The following FAR2 variants were observed in gnomAD, a reference collection of about 807,000 sequenced individuals.
The protein encoded by FAR2 is fatty acyl-CoA reductase 2.
In FAR2, 19 loss-of-function variants were observed where a neutral mutation model predicts 56.0. The ratio of observed to expected loss-of-function variants is 0.34; its 90% CI spans 0.24 to 0.50. The LOEUF (loss-of-function observed/expected upper bound fraction) is 0.50. Among genes scored for constraint, FAR2 ranks in the 20% least tolerant of loss-of-function variants. The probability of loss-of-function intolerance (pLI) is 0.98; values close to 1 mark genes in which losing one functional copy is unlikely to be tolerated. For synonymous variants in FAR2, 219 were observed against 218.8 expected, an observed-to-expected ratio of 1.00 and a Z score of -0.01; for missense variants, 508 against 642.2, an observed-to-expected ratio of 0.79 and a Z score of 2.26.
intron 1 of FAR2, among the ~76,000 whole-genome samples, chr12:29,228,590 G>GTT (rs56266657): frequency 0.62 from 94,064 of 151,664 alleles, 29,264 homozygotes; most frequent in East Asian, 0.69. Context: ...AGTCTTTTTT[G>GTT]TGTTTGTTTG....
chr12:29,327,189 C>A (rs1046762747), intron 10 of FAR2, among the ~76,000 whole-genome samples: 3 of 152,126 alleles, frequency 2.0e-5, no homozygotes, highest in Admixed American at 6.5e-5. Flanking sequence ...AGGAATCCAA[C>A]TTACAAGGGA....
chr12:29,244,553 C>T (rs1948093943), intron 1 of FAR2, among the ~76,000 whole-genome samples: 1 of 152,184 alleles, frequency 6.6e-6, no homozygotes, highest in Non-Finnish European at 1.5e-5. Flanking sequence ...AGCATTCAGC[C>T]ATTACTAGTG....
intron 1 of FAR2, among the ~76,000 whole-genome samples, chr12:29,191,139 T>C (rs913693679): frequency 3.3e-5 from 5 of 152,206 alleles, no homozygotes; most frequent in African/African-American, 1.2e-4. Flanking sequence ...GAAAAGGACC[T>C]GTAGAAAATC....
chr12:29,209,103 C>T (rs1169668081), intron 1 of FAR2, among the ~76,000 whole-genome samples: 6 of 150,828 alleles, frequency 4.0e-5, no homozygotes, highest in Non-Finnish European at 8.9e-5. Context: ...AAAAGTACTA[C>T]ACAGGAAAAG....
intron 9 of FAR2, among the ~76,000 whole-genome samples, chr12:29,319,128 T>A (rs1288977332): frequency 6.6e-6 from 1 of 151,808 alleles, no homozygotes; most frequent in Non-Finnish European, 1.5e-5. Context: ...GTAGCTGGGA[T>A]TACAGGCGCC....
intron 1 of FAR2, among the ~76,000 whole-genome samples, chr12:29,173,838 C>T (rs571706745): frequency 6.6e-6 from 1 of 152,200 alleles, no homozygotes; most frequent in Non-Finnish European, 1.5e-5. Context: ...GCAGCAGAAA[C>T]ACTAGTTTTC....
At chr12:29,324,124 G>A (rs960209584) in intron 10 of FAR2, among the ~76,000 whole-genome samples, 8 of 152,068 alleles carry the variant, frequency 5.3e-5, no homozygotes, top group African/African-American at 1.7e-4. Context: ...TAACCGATGC[G>A]ATCAACTGGA....
chr12:29,180,303 A>G (rs1235147190), intron 1 of FAR2, among the ~76,000 whole-genome samples: 1 of 152,202 alleles, frequency 6.6e-6, no homozygotes, highest in East Asian at 1.9e-4. Flanking sequence ...GTTCTTGCAG[A>G]GTAGTAATGA....
Position 29,182,938 on chromosome 12 carries a change from CTT to C in FAR2, c.-39+33548_-39+33549del, listed in dbSNP as rs11298420. 7.6e-3 allele frequency among the ~76,000 whole-genome samples: 990 copies of C among 130,916 alleles called. 2 individuals carry two copies. Among genetic ancestry groups the C allele is most frequent in the Admixed American group, 8.4e-3 (111 of 13,288 alleles). The allele number at this position is 130,916 out of a possible 152,430, so 85.9% of individuals were successfully genotyped here. The stretch of plus-strand genomic sequence containing the variant: ...AGAGGGAATTATCTTTACTCATTGT[CTT>C]TTTTTTTTTTTTTTTTACTTTCCAT... On this transcript the variant is annotated intron_variant, in intron 1 of 11. Coordinates refer to ENST00000536681, the MANE Select transcript of FAR2 (RefSeq NM_001271783.2).
intron 1 of FAR2, among the ~76,000 whole-genome samples, chr12:29,173,102 G>T (rs1046908412): frequency 6.6e-6 from 1 of 152,240 alleles, no homozygotes; most frequent in Non-Finnish European, 1.5e-5. Flanking sequence ...TGAGGTCAAA[G>T]GTTTGCCCTA....
At chr12:29,154,145 A>C (rs1949703673) in intron 1 of FAR2, among the ~76,000 whole-genome samples, 1 of 152,182 alleles carries the variant, frequency 6.6e-6, no homozygotes. Context: ...ACATAGATGG[A>C]ATATGGTGTA....
chr12:29,244,055 A>G (rs1565485476), intron 1 of FAR2, among the ~76,000 whole-genome samples: 1 of 152,174 alleles, frequency 6.6e-6, no homozygotes, highest in African/African-American at 2.4e-5. Flanking sequence ...TCAAATAGCT[A>G]TTGTGGTGAT....
At position 29,307,555 on chromosome 12, in the gene FAR2, C is replaced by T. The variant is rs866552711; in HGVS notation, c.546-103C>T. On this transcript the variant is annotated intron_variant, in intron 4 of 11. Transcript: ENST00000536681. ...CATGTGACTGTTCTGAATTCCAGAA[C>T]CGAGGCTAAAAGGTGGAAGTTTTGT... The T allele has an allele frequency of 4.9e-5, 58 of 1,172,016 alleles. No homozygotes were observed. The Middle Eastern group carries it at 8.2e-4, about 17-fold the overall frequency. The allele number at this position is 1,172,016 out of a possible 1,614,324, so 72.6% of individuals were successfully genotyped here.
At chr12:29,163,435 A>G (rs1399836057) in intron 1 of FAR2, among the ~76,000 whole-genome samples, 1 of 152,306 alleles carries the variant, frequency 6.6e-6, no homozygotes, top group East Asian at 1.9e-4. Flanking sequence ...GCATTTGTCC[A>G]TTGTGACAAC....
At chr12:29,284,398 G>C (rs552682675) in intron 2 of FAR2, among the ~76,000 whole-genome samples, 3 of 152,212 alleles carry the variant, frequency 2.0e-5, no homozygotes, top group Non-Finnish European at 4.4e-5. Context: ...TATCTTGAAT[G>C]ATATCACCAG....
chr12:29,254,749 C>G lies in FAR2; in HGVS notation c.-38-15663C>G, dbSNP rs565163758. Among the ~76,000 whole-genome samples the G allele has an allele frequency of 1.7e-4, 26 of 152,142 alleles. No homozygotes were observed. The South Asian group carries it at 4.6e-3, about 27-fold the overall frequency. ...GGCAGATCACTTGAGGTCAGGAGTTCGAGACTAGCGTGGCCAACATGGTGA... is the reference window on the plus strand; with the variant it reads ...GGCAGATCACTTGAGGTCAGGAGTTGGAGACTAGCGTGGCCAACATGGTGA... On this transcript the variant is annotated intron_variant, in intron 1 of 11. Coordinates refer to ENST00000536681, the MANE Select transcript of FAR2 (RefSeq NM_001271783.2).
intron 1 of FAR2, among the ~76,000 whole-genome samples, chr12:29,247,677 T>C (rs1948149543): frequency 6.6e-6 from 1 of 152,194 alleles, no homozygotes; most frequent in Non-Finnish European, 1.5e-5. Flanking sequence ...GAATAACACA[T>C]TGAGATACAG....
chr12:29,185,717 C>T (rs1950034880), intron 1 of FAR2, among the ~76,000 whole-genome samples: 1 of 152,120 alleles, frequency 6.6e-6, no homozygotes, highest in Non-Finnish European at 1.5e-5. Context: ...CCCCACTGTA[C>T]CCCAGGAGCA....
intron 1 of FAR2, among the ~76,000 whole-genome samples, chr12:29,168,476 C>G (rs186293284): frequency 2.0e-5 from 3 of 152,292 alleles, no homozygotes; most frequent in East Asian, 3.9e-4. Context: ...AAGAAATGAA[C>G]AGAAAGTAAT....
Sources: gnomAD v4.1 joint callset for allele counts (sites outside exome capture counted in the v4.1 genomes callset) on GRCh38, gnomAD v4.1.1 for gene constraint, MANE v1.5 for transcripts, NCBI Gene and HGNC (gene_info 2026-07-23, HGNC 2026-07-21) for gene names.